The following PTPRT variants were observed in gnomAD, a reference collection of about 807,000 sequenced individuals.
PTPRT encodes the protein receptor-type tyrosine-protein phosphatase T.
A neutral mutation model predicts 176.8 loss-of-function variants in PTPRT; 56 were observed. That is an observed-to-expected ratio of 0.32 (90% CI 0.26 to 0.40). The LOEUF is 0.40. PTPRT is among the 10% of genes least tolerant of loss of function. The probability of loss-of-function intolerance (pLI) is 1.00; values close to 1 mark genes in which losing one functional copy is unlikely to be tolerated. For missense variants in PTPRT, 1,540 were observed against 1,908.2 expected (o/e 0.81, Z 3.60); for synonymous variants, 783 against 739.0 (o/e 1.06, Z -0.96).
intron 1 of PTPRT, among the ~76,000 whole-genome samples, chr20:42,960,646 C>G (rs552422953): frequency 2.0e-5 from 3 of 152,248 alleles, no homozygotes; most frequent in South Asian, 4.2e-4. Flanking sequence ...CCTCTCCCCC[C>G]AGTATTGGGA....
chr20:43,001,826 G>A (rs1600638590), intron 1 of PTPRT, among the ~76,000 whole-genome samples: 1 of 151,992 alleles, frequency 6.6e-6, no homozygotes, highest in African/African-American at 2.4e-5. Context: ...AAATGCCCAT[G>A]GTCTGGATTA....
chr20:42,616,381 A>C (rs1368496593), intron 7 of PTPRT, among the ~76,000 whole-genome samples: 82 of 115,232 alleles, frequency 7.1e-4, no homozygotes, highest in African/African-American at 1.2e-3. Context: ...TGATGCCTCC[A>C]GCTTTGTTCT....
At chr20:42,250,084 A>C (rs571252089) in intron 13 of PTPRT, among the ~76,000 whole-genome samples, 1 of 152,214 alleles carries the variant, frequency 6.6e-6, no homozygotes, top group Admixed American at 6.5e-5. Flanking sequence ...CTCTTCTCTA[A>C]ATTCTATTAA....
intron 1 of PTPRT, among the ~76,000 whole-genome samples, chr20:42,930,957 AC>A (rs1247025569): frequency 5.3e-5 from 8 of 152,020 alleles, no homozygotes; most frequent in South Asian, 2.1e-4. Context: ...AACAACAACA[AC>A]AAAAAACTCC....
At chr20:42,194,329 T>C (rs1991114941) in intron 16 of PTPRT, among the ~76,000 whole-genome samples, 1 of 152,212 alleles carries the variant, frequency 6.6e-6, no homozygotes, top group African/African-American at 2.4e-5. Context: ...CCAGTGTCTG[T>C]CTGATGACCC....
chr20:42,106,807 C>G lies in PTPRT; in HGVS notation c.3369G>C (p.Arg1123Ser), dbSNP rs745862490. 6.2e-7 allele frequency: 1 copy of G among 1,613,972 alleles called. No individual in the cohort carries two copies. Among genetic ancestry groups the G allele is most frequent in the African/African-American group, 1.3e-5 (1 of 74,896 alleles). Residue 1123 changes from arginine (R) to serine (S), a missense_variant, in exon 24 of 31, where the codon AGG becomes AGC. Physicochemically the swap from Arg to Ser is moderately radical, Grantham distance 110. Around this residue, in one of 11 missense-constraint regions of PTPRT, gnomAD observed 248 missense variants for 356.7 expected, o/e 0.70. Transcript: ENST00000373187. ...FNCVRELRAQ[R>S]VNLVQTEEQY... is the part of the protein sequence containing the mutation. ...TCACCTCTGTCTGTACCAGGTTGACCCTTTGGGCCCGGAGCTCACGCACGC... is the reference window on the plus strand; with the variant it reads ...TCACCTCTGTCTGTACCAGGTTGACGCTTTGGGCCCGGAGCTCACGCACGC...
At chr20:42,511,421 A>G (rs533521674) in intron 7 of PTPRT, among the ~76,000 whole-genome samples, 1 of 152,280 alleles carries the variant, frequency 6.6e-6, no homozygotes, top group African/African-American at 2.4e-5. Flanking sequence ...AGAAACTCGA[A>G]GGAAGCCAGG....
At chr20:43,064,967 C>T (rs1312759412) in intron 1 of PTPRT, among the ~76,000 whole-genome samples, 1 of 152,214 alleles carries the variant, frequency 6.6e-6, no homozygotes, top group Non-Finnish European at 1.5e-5. Context: ...GCCCTTTCCT[C>T]TGTTGTGGAC....
intron 7 of PTPRT, among the ~76,000 whole-genome samples, chr20:42,557,805 G>A (rs2072885682): frequency 2.0e-5 from 3 of 152,180 alleles, no homozygotes; most frequent in Non-Finnish European, 4.4e-5. Flanking sequence ...ACCTGGATAA[G>A]CCCAATAGCC....
intron 2 of PTPRT, among the ~76,000 whole-genome samples, chr20:42,876,334 T>C (rs2145838344): frequency 6.6e-6 from 1 of 152,320 alleles, no homozygotes; most frequent in East Asian, 1.9e-4. Context: ...TATGATTTTA[T>C]TGTAAGCCTC....
At position 42,388,023 on chromosome 20, in the gene PTPRT, C is replaced by G. The variant is rs552444208; in HGVS notation, c.1561-35738G>C. ...GCCAGGCTCGTCTCGAACTCCTGAC[C>G]TCGTGATCCCCCACCTTGGCCTCCC... On this transcript the variant is annotated intron_variant, in intron 9 of 30. Transcript: ENST00000373187. Among the ~76,000 whole-genome samples, 10 of 152,214 alleles carry G rather than the reference C, an allele frequency of 6.6e-5. No homozygotes were observed. In the East Asian group the frequency reaches 1.9e-3, roughly 29 times the overall value.
At chr20:42,392,793 G>A (rs6102818) in intron 9 of PTPRT, among the ~76,000 whole-genome samples, 2 of 152,148 alleles carry the variant, frequency 1.3e-5, no homozygotes, top group African/African-American at 4.8e-5. Context: ...GGGTGGTGCA[G>A]GGAAGAAAAG....
intron 7 of PTPRT, among the ~76,000 whole-genome samples, chr20:42,610,928 T>TACAC (rs1179230021): frequency 1.7e-5 from 1 of 60,144 alleles, no homozygotes; most frequent in Non-Finnish European, 3.3e-5. Flanking sequence ...TGCAATACAC[T>TACAC]AGTCTTTCGT....
chr20:42,967,023 G>T (rs2146052713), intron 1 of PTPRT, among the ~76,000 whole-genome samples: 1 of 152,276 alleles, frequency 6.6e-6, no homozygotes, highest in Middle Eastern at 3.4e-3. Flanking sequence ...CTACTCATCA[G>T]ACTTTGGAAA....
At chr20:42,057,158 G>A in the PTPRT span, among the ~76,000 whole-genome samples, 3 of 152,192 alleles carry the variant, frequency 2.0e-5, no homozygotes, top group African/African-American at 7.2e-5. Flanking sequence ...ACCATATATG[G>A]ATATTCAATA....
chr20:42,790,948 T>G (rs1380468647), intron 3 of PTPRT, among the ~76,000 whole-genome samples: 2 of 152,188 alleles, frequency 1.3e-5, no homozygotes, highest in African/African-American at 2.4e-5. Flanking sequence ...TCTAGCATCT[T>G]CAGGAGCCAC....
At chr20:42,475,566 G>C (rs2071274670) in intron 7 of PTPRT, among the ~76,000 whole-genome samples, 1 of 152,176 alleles carries the variant, frequency 6.6e-6, no homozygotes, top group South Asian at 2.1e-4. Context: ...ACATAAATAT[G>C]AGGCATGTCG....
chr20:42,720,516 G>T (rs1337970458), intron 6 of PTPRT, among the ~76,000 whole-genome samples: 1 of 152,154 alleles, frequency 6.6e-6, no homozygotes, highest in African/African-American at 2.4e-5. Context: ...AAAGAAAAAG[G>T]GTCAAAGGCA....
At chr20:43,166,088 G>A (rs959827135) in intron 1 of PTPRT, among the ~76,000 whole-genome samples, 1 of 152,190 alleles carries the variant, frequency 6.6e-6, no homozygotes, top group Non-Finnish European at 1.5e-5. Flanking sequence ...ACTTTGGGAG[G>A]CCAAGGCAGG....
Sources: allele counts gnomAD v4.1 joint callset (sites outside exome capture counted in the v4.1 genomes callset), GRCh38; gene constraint gnomAD v4.1.1; regional missense constraint gnomAD v4.1.1; transcripts MANE v1.5; gene names NCBI Gene and HGNC (gene_info 2026-07-23, HGNC 2026-07-21).